Variants in SHISA9 observed in about 807,000 individuals in gnomAD.
SHISA9 encodes shisa family member 9, also known as protein shisa-9.
SHISA9 carries 13 observed loss-of-function variants against 38.0 expected under a neutral mutation model. The ratio of observed to expected loss-of-function variants is 0.34; its 90% CI spans 0.22 to 0.54. SHISA9 has a LOEUF of 0.54. Among genes scored for constraint, SHISA9 ranks in the 20% least tolerant of loss-of-function variants. The probability of loss-of-function intolerance (pLI) is 0.91; values close to 1 mark genes in which losing one functional copy is unlikely to be tolerated. For synonymous variants in SHISA9, 275 were observed against 242.0 expected, an observed-to-expected ratio of 1.14 and a Z score of -1.27; for missense variants, 538 against 575.8, an observed-to-expected ratio of 0.93 and a Z score of 0.67.
At chr16:12,948,108 A>C (rs1299800797) in intron 2 of SHISA9, among the ~76,000 whole-genome samples, 1 of 152,188 alleles carries the variant, frequency 6.6e-6, no homozygotes, top group East Asian at 1.9e-4. Flanking sequence ...ATTTGTGTTT[A>C]AGGTGCTTAG....
chr16:13,443,156 A>G, the SHISA9 span, among the ~76,000 whole-genome samples: 1 of 152,214 alleles, frequency 6.6e-6, no homozygotes, highest in African/African-American at 2.4e-5. Flanking sequence ...AAAGTGGAAA[A>G]CAATGTTTCA....
At chr16:13,079,467 A>T (rs2073622701) in intron 2 of SHISA9, among the ~76,000 whole-genome samples, 1 of 152,256 alleles carries the variant, frequency 6.6e-6, no homozygotes, top group South Asian at 2.1e-4. Flanking sequence ...TAGGCCATTA[A>T]AAATGACAAC....
At chr16:13,135,450 CTG>C in intron 2 of SHISA9, among the ~76,000 whole-genome samples, 1 of 152,218 alleles carries the variant, frequency 6.6e-6, no homozygotes, top group East Asian at 1.9e-4. Context: ...CATCCAATCA[CTG>C]AATGCGGCAT....
chr16:13,502,307 G>C, the SHISA9 span, among the ~76,000 whole-genome samples: 1 of 152,146 alleles, frequency 6.6e-6, no homozygotes, highest in Non-Finnish European at 1.5e-5. Flanking sequence ...ATATCATGCA[G>C]GATCCCACAC....
chr16:13,436,076 T>A, the SHISA9 span, among the ~76,000 whole-genome samples: 2 of 152,194 alleles, frequency 1.3e-5, no homozygotes, highest in African/African-American at 2.4e-5. Context: ...TGCCCCCTAG[T>A]GTCAGAGGTG....
chr16:13,472,295 C>T, the SHISA9 span, among the ~76,000 whole-genome samples: 1 of 151,942 alleles, frequency 6.6e-6, no homozygotes, highest in Non-Finnish European at 1.5e-5. Context: ...TCCTCTGTCC[C>T]CTCATTTGGG....
the SHISA9 span, among the ~76,000 whole-genome samples, chr16:13,467,123 T>C: frequency 1.3e-5 from 2 of 152,002 alleles, no homozygotes; most frequent in Non-Finnish European, 2.9e-5. Context: ...GATTGAAGAG[T>C]GCCTAGATGG....
the SHISA9 span, among the ~76,000 whole-genome samples, chr16:13,484,019 A>G: frequency 5.6e-3 from 850 of 152,322 alleles, 11 homozygotes; most frequent in African/African-American, 0.019. Flanking sequence ...GCCTGGGCTC[A>G]CGACTGGTGT....
chr16:13,087,649 C>T (rs534305465), intron 2 of SHISA9, among the ~76,000 whole-genome samples: 3 of 152,156 alleles, frequency 2.0e-5, no homozygotes, highest in African/African-American at 7.2e-5. Flanking sequence ...TGTTCATATC[C>T]TTTGCCCACT....
chr16:13,085,297 T>C (rs765573362), intron 2 of SHISA9, among the ~76,000 whole-genome samples: 28 of 151,592 alleles, frequency 1.8e-4, no homozygotes, highest in Non-Finnish European at 2.8e-4. Flanking sequence ...GAAAGAAAGA[T>C]AAATAATTAT....
At chr16:13,280,458 C>T in the SHISA9 span, among the ~76,000 whole-genome samples, 3 of 151,658 alleles carry the variant, frequency 2.0e-5, no homozygotes, top group Non-Finnish European at 4.4e-5. Context: ...CTAAGGACTG[C>T]TTTCATTGAA....
At position 13,144,090 on chromosome 16, in the gene SHISA9, C is replaced by T. The variant is rs1365074542; in HGVS notation, c.692-59304C>T. ...TTGAAGGTATGGATGATCAAGAAGC[C>T]TTCTGACAGATGAATTAGTGTAATA... On this transcript the variant is annotated intron_variant, in intron 2 of 4. Transcript: ENST00000558583. Among the ~76,000 whole-genome samples, 6 of 149,778 alleles carry T rather than the reference C, an allele frequency of 4.0e-5. No individual in the cohort carries two copies. In the South Asian group the frequency reaches 6.3e-4, roughly 16 times the overall value.
chr16:13,104,875 A>T lies in SHISA9; in HGVS notation c.692-98519A>T, dbSNP rs1330891440. Among the ~76,000 whole-genome samples, 3 of 152,188 alleles carry T rather than the reference A, an allele frequency of 2.0e-5. No homozygotes were observed. In the East Asian group the frequency reaches 5.8e-4, roughly 29 times the overall value. On this transcript the variant is annotated intron_variant, in intron 2 of 4. Transcript: ENST00000558583. ...ATATCAATAAAACTTTTTATTTTTT[A>T]AAAAAGTATGATTTTAGATTCTGAC...
At chr16:13,454,964 C>T in the SHISA9 span, among the ~76,000 whole-genome samples, 1 of 152,102 alleles carries the variant, frequency 6.6e-6, no homozygotes, top group Non-Finnish European at 1.5e-5. Flanking sequence ...CTATCTGTGT[C>T]CTTGGCCAAT....
At chr16:13,272,383 T>C in the SHISA9 span, among the ~76,000 whole-genome samples, 7 of 152,102 alleles carry the variant, frequency 4.6e-5, no homozygotes, top group Non-Finnish European at 1.0e-4. Context: ...ATTTCTTTTT[T>C]TCTGTTTAAA....
At chr16:13,272,341 C>A in the SHISA9 span, among the ~76,000 whole-genome samples, 1 of 151,910 alleles carries the variant, frequency 6.6e-6, no homozygotes, top group Admixed American at 6.6e-5. Context: ...ACCTTTCCAC[C>A]CCTCTGCCAC....
At chr16:13,416,989 T>C in the SHISA9 span, among the ~76,000 whole-genome samples, 1 of 152,124 alleles carries the variant, frequency 6.6e-6, no homozygotes, top group Non-Finnish European at 1.5e-5. Flanking sequence ...GAAAACAAAA[T>C]GTTTAAATAA....
chr16:13,504,891 T>G, the SHISA9 span, among the ~76,000 whole-genome samples: 792 of 152,316 alleles, frequency 5.2e-3, 6 homozygotes, highest in African/African-American at 0.017. Context: ...TATCAGAACC[T>G]TGATCTAAGG....
the SHISA9 span, among the ~76,000 whole-genome samples, chr16:13,258,126 T>C: frequency 1.3e-5 from 2 of 152,192 alleles, no homozygotes; most frequent in Non-Finnish European, 2.9e-5. Context: ...ATCTACTCTC[T>C]AATCTTAGTT....
Sources: gnomAD v4.1 joint callset for allele counts (sites outside exome capture counted in the v4.1 genomes callset) on GRCh38, gnomAD v4.1.1 for gene constraint, MANE v1.5 for transcripts, NCBI Gene and HGNC (gene_info 2026-07-23, HGNC 2026-07-21) for gene names.